Variants in RNF220 observed in about 807,000 individuals in gnomAD.
RNF220 encodes E3 ubiquitin-protein ligase RNF220.
A neutral mutation model predicts 67.1 loss-of-function variants in RNF220; 7 were observed. The observed-to-expected ratio is 0.10, with a 90% CI of 0.06 to 0.20. The LOEUF (loss-of-function observed/expected upper bound fraction) is 0.20. RNF220 is among the 10% of genes least tolerant of loss of function. RNF220 has a pLI of 1.00. For synonymous variants in RNF220, 270 were observed against 283.2 expected, an observed-to-expected ratio of 0.95 and a Z score of 0.47; for missense variants, 565 against 740.3, an observed-to-expected ratio of 0.76 and a Z score of 2.75.
At chr1:44,579,789 G>A (rs2148340284) in intron 2 of RNF220, among the ~76,000 whole-genome samples, 1 of 152,218 alleles carries the variant, frequency 6.6e-6, no homozygotes, top group South Asian at 2.1e-4. Flanking sequence ...AAGCCTTCGG[G>A]AGGCTGAGGT....
intron 2 of RNF220, among the ~76,000 whole-genome samples, chr1:44,452,945 T>G (rs913342736): frequency 1.3e-5 from 2 of 152,248 alleles, no homozygotes; most frequent in African/African-American, 2.4e-5. Flanking sequence ...TAGTTTAATT[T>G]GAGTTTCATC....
chr1:44,614,207 T>G lies in RNF220; in HGVS notation c.668T>G (p.Ile223Ser). 1 of 1,614,160 alleles carries G rather than the reference T, an allele frequency of 6.2e-7. No homozygotes were observed. Among genetic ancestry groups the G allele is most frequent in the Non-Finnish European group, 8.5e-7 (1 of 1,180,018 alleles). ...AAALFDSQAPICPICQVLLRP... is the reference protein window; with the variant it reads ...AAALFDSQAPSCPICQVLLRP... ...GCATTGTTCGACAGCCAGGCCCCAA[T>G]TTGCCCCATCTGCCAGGTCCTGCTG... The change falls in exon 3 of 15, where the codon ATT becomes AGT. Residue 223 changes from isoleucine to serine, a missense_variant. Ile to Ser is a moderately radical substitution (Grantham distance 142). Coordinates refer to ENST00000361799, the MANE Select transcript of RNF220 (RefSeq NM_018150.4).
intron 2 of RNF220, among the ~76,000 whole-genome samples, chr1:44,481,284 G>A (rs1251261446): frequency 6.6e-6 from 1 of 152,110 alleles, no homozygotes; most frequent in Non-Finnish European, 1.5e-5. Context: ...AATTAGCTGG[G>A]TTTGATGACG....
intron 8 of RNF220, chr1:44,638,489 AAAG>A (rs1447689690): frequency 6.6e-6 from 1 of 152,240 alleles, no homozygotes; most frequent in Non-Finnish European, 1.5e-5. Flanking sequence ...GTTAGATATG[AAAG>A]AAGTGAAGAA....
At chr1:44,445,744 G>A (rs1652011994) in intron 2 of RNF220, among the ~76,000 whole-genome samples, 1 of 151,996 alleles carries the variant, frequency 6.6e-6, no homozygotes. Flanking sequence ...TGTATTCTAC[G>A]AAACACACTG....
chr1:44,538,315 T>C (rs1225613269), intron 2 of RNF220, among the ~76,000 whole-genome samples: 4 of 152,238 alleles, frequency 2.6e-5, no homozygotes, highest in Non-Finnish European at 5.9e-5. Flanking sequence ...ATTTACCCTA[T>C]AAATGTTTTT....
chr1:44,609,428 A>G (rs1276681294), intron 2 of RNF220, among the ~76,000 whole-genome samples: 1 of 152,226 alleles, frequency 6.6e-6, no homozygotes, highest in African/African-American at 2.4e-5. Context: ...CAAGCCAGAG[A>G]GGCAATCACA....
chr1:44,533,521 T>C (rs1343549122), intron 2 of RNF220, among the ~76,000 whole-genome samples: 1 of 152,154 alleles, frequency 6.6e-6, no homozygotes, highest in African/African-American at 2.4e-5. Flanking sequence ...AAAGTTTTAG[T>C]CCAGGTTGGT....
chr1:44,500,660 C>G (rs954163776), intron 2 of RNF220, among the ~76,000 whole-genome samples: 1 of 152,160 alleles, frequency 6.6e-6, no homozygotes, highest in African/African-American at 2.4e-5. Flanking sequence ...GGCTGCAGCT[C>G]TGTACAAGGA....
intron 2 of RNF220, among the ~76,000 whole-genome samples, chr1:44,577,777 C>G (rs1664919726): frequency 1.3e-5 from 2 of 151,966 alleles, no homozygotes; most frequent in African/African-American, 4.8e-5. Context: ...ACCCACCTGG[C>G]CAACATGGTG....
chr1:44,632,698 A>G (rs2148475707), intron 6 of RNF220: 3 of 513,882 alleles, frequency 5.8e-6, no homozygotes, highest in South Asian at 2.3e-5. Context: ...TGAATTTGCA[A>G]ACTGCTGGGA....
intron 2 of RNF220, among the ~76,000 whole-genome samples, chr1:44,484,395 GGAA>G (rs1356770478): frequency 1.3e-5 from 2 of 152,132 alleles, no homozygotes; most frequent in Non-Finnish European, 2.9e-5. Flanking sequence ...TGTGTGCCCA[GGAA>G]GAAGAGGAAG....
chr1:44,535,420 TGA>T (rs1357355324), intron 2 of RNF220, among the ~76,000 whole-genome samples: 21 of 152,142 alleles, frequency 1.4e-4, no homozygotes, highest in Non-Finnish European at 2.6e-4. Flanking sequence ...ATTACAGGCA[TGA>T]GCCACCGTGC....
chr1:44,460,525 G>A (rs1167204572), intron 2 of RNF220, among the ~76,000 whole-genome samples: 1 of 152,184 alleles, frequency 6.6e-6, no homozygotes, highest in Non-Finnish European at 1.5e-5. Flanking sequence ...TTCTGCGAAG[G>A]GTAGGAAAAA....
At chr1:44,573,190 T>C (rs1664572236) in intron 2 of RNF220, among the ~76,000 whole-genome samples, 1 of 152,230 alleles carries the variant, frequency 6.6e-6, no homozygotes, top group Non-Finnish European at 1.5e-5. Context: ...ATGTGCCAGC[T>C]GCTTCACATG....
intron 2 of RNF220, among the ~76,000 whole-genome samples, chr1:44,549,193 A>AAAAC (rs1367974405): frequency 2.6e-5 from 4 of 152,202 alleles, no homozygotes; most frequent in African/African-American, 7.2e-5. Flanking sequence ...TGTCTCGGGA[A>AAAAC]AAACAAACAA....
In RNF220 at chr1:44,424,859, C is replaced by T. The variant is rs570041881; in HGVS notation, c.625+12137C>T. Reference sequence around the variant, plus strand: ...GCCAGATGTGAGGGAGGCCGGTGTGCGCTGCGGTGCCCCTTGGGCTCCAGC... The same window carrying T: ...GCCAGATGTGAGGGAGGCCGGTGTGTGCTGCGGTGCCCCTTGGGCTCCAGC... On this transcript the variant is annotated intron_variant, in intron 2 of 14. Coordinates refer to ENST00000361799, the MANE Select transcript of RNF220 (RefSeq NM_018150.4). 5.3e-5 allele frequency among the ~76,000 whole-genome samples: 8 copies of T among 152,338 alleles called. No individual in the cohort carries two copies. In the East Asian group the frequency reaches 1.3e-3, roughly 26 times the overall value.
At chr1:44,435,960 C>T (rs1057474563) in intron 2 of RNF220, among the ~76,000 whole-genome samples, 8 of 151,830 alleles carry the variant, frequency 5.3e-5, no homozygotes, top group African/African-American at 1.5e-4. Context: ...ATGGAAGAAA[C>T]CTTTGGATAG....
rs192557336 is a variant in RNF220, at chr1:44,456,776, T to A, written c.625+44054T>A. Among the ~76,000 whole-genome samples, 345 of 152,318 alleles carry A rather than the reference T, an allele frequency of 2.3e-3. 1 individual carries two copies. The highest frequency in any genetic ancestry group is 8.1e-3 in the African/African-American group (335 of 41,564). On this transcript the variant is annotated intron_variant, in intron 2 of 14. Coordinates refer to ENST00000361799, the MANE Select transcript of RNF220 (RefSeq NM_018150.4). Reference sequence around the variant, plus strand: ...GCTTTTCTGATGAAGATCGAACTTATATTGCCATGGCCTGCACAGTCCTGC... The same window carrying A: ...GCTTTTCTGATGAAGATCGAACTTAAATTGCCATGGCCTGCACAGTCCTGC...
Sources: gnomAD v4.1 joint callset for allele counts (sites outside exome capture counted in the v4.1 genomes callset) on GRCh38, gnomAD v4.1.1 for gene constraint, MANE v1.5 for transcripts, NCBI Gene and HGNC (gene_info 2026-07-23, HGNC 2026-07-21) for gene names.